Variants in KLF16 observed in about 807,000 individuals in gnomAD.
The protein encoded by KLF16 is Krueppel-like factor 16.
In KLF16, 6 loss-of-function variants were observed where a neutral mutation model predicts 6.1. The ratio of observed to expected loss-of-function variants is 0.98; its 90% CI spans 0.54 to 1.93. The LOEUF (loss-of-function observed/expected upper bound fraction) is 1.93. Among genes scored for constraint, KLF16 ranks in the 30% most tolerant of loss-of-function variants. KLF16 has a pLI of 0.01. For missense variants in KLF16, 355 were observed against 363.8 expected, an observed-to-expected ratio of 0.98 and a Z score of 0.20; for synonymous variants, 211 against 176.5, an observed-to-expected ratio of 1.20 and a Z score of -1.55.
upstream of KLF16, among the ~76,000 whole-genome samples, chr19:1,865,403 C>T (rs2012171667): frequency 6.6e-6 from 1 of 152,260 alleles, no homozygotes; most frequent in Admixed American, 6.5e-5. Flanking sequence ...TCCTGGAACC[C>T]CGCATTGGCT....
upstream of KLF16, among the ~76,000 whole-genome samples, chr19:1,867,853 A>G (rs1373298145): frequency 2.6e-5 from 4 of 152,092 alleles, no homozygotes; most frequent in African/African-American, 9.7e-5. Context: ...AGTGACAGTG[A>G]GACTCCCTCT....
At chr19:1,865,652 T>G (rs1005592949), upstream of KLF16, among the ~76,000 whole-genome samples, 1 of 152,182 alleles carries the variant, frequency 6.6e-6, no homozygotes, top group African/African-American at 2.4e-5. Flanking sequence ...TATCAGGGTT[T>G]CAAGTGAGTG....
chr19:1,859,781 G>A (rs902329504), intron 1 of KLF16, among the ~76,000 whole-genome samples: 5 of 152,182 alleles, frequency 3.3e-5, no homozygotes, highest in African/African-American at 4.8e-5. Flanking sequence ...GCTGGCCTGC[G>A]GCAGGGGACT....
the KLF16 span, chr19:1,874,777 A>C: frequency 6.8e-5 from 8 of 117,600 alleles, no homozygotes; most frequent in East Asian, 2.5e-4. Context: ...AAAAAAAAAA[A>C]CACTTCTACT....
chr19:1,871,289 G>A, the KLF16 span, among the ~76,000 whole-genome samples: 1 of 152,186 alleles, frequency 6.6e-6, no homozygotes, highest in Admixed American at 6.5e-5. Flanking sequence ...GCCAACCTGT[G>A]GAAGCCACCT....
Position 1,853,642 on chromosome 19 carries a change from T to G in KLF16, c.*817A>C, listed in dbSNP as rs2011883122. 1 of 152,548 alleles carries G rather than the reference T, an allele frequency of 6.6e-6. No individual in the cohort carries two copies. The highest frequency in any genetic ancestry group is 6.5e-5 in the Admixed American group (1 of 15,278). 9.4% of individuals were successfully genotyped at this position (152,548 alleles called of 1,614,324 possible). ...CCCGGTGCCAGCCTCCCCTGCAGCC[T>G]CTCTCACCCACCCACCCAGAGAGGG... is the stretch of plus-strand genomic sequence containing the variant. On this transcript the variant is annotated 3_prime_UTR_variant, in exon 2 of 2. Transcript: ENST00000250916.
Position 1,854,148 on chromosome 19 carries a change from A to C in KLF16, c.*311T>G. 3.3e-5 allele frequency: 10 copies of C among 305,534 alleles called. No homozygotes were observed. The highest frequency in any genetic ancestry group is 1.8e-4 in the East Asian group (3 of 16,972). The allele number at this position is 305,534 out of a possible 1,614,324, so 18.9% of individuals were successfully genotyped here. A position where few individuals can be genotyped will look rare whatever the true frequency, so the allele number is the denominator to read the frequency against. ...CCAAACCCCACCCCGGGAGGGGGGC[A>C]GCAGGGGGTGGTGGAGAGGAGAGGG... On this transcript the variant is annotated 3_prime_UTR_variant, in exon 2 of 2. Coordinates refer to ENST00000250916, the MANE Select transcript of KLF16 (RefSeq NM_031918.4).
In KLF16 at chr19:1,853,807, G is replaced by GAC. The variant is rs1264108979; in HGVS notation, c.*651_*652insGT. 1 of 152,608 alleles carries GAC rather than the reference G, an allele frequency of 6.6e-6. No homozygotes were observed. The highest frequency in any genetic ancestry group is 2.4e-5 in the African/African-American group (1 of 41,458). The allele number at this position is 152,608 out of a possible 1,614,324, so 9.5% of individuals were successfully genotyped here. The stretch of plus-strand genomic sequence containing the variant: ...TCCCAGGTCTCAGAAGCAACACCTG[G>GAC]AGCCCCTCCGGGCATCCTAACGCTG... On this transcript the variant is annotated 3_prime_UTR_variant, in exon 2 of 2. Transcript: ENST00000250916.
At chr19:1,864,977 C>T (rs898983930), upstream of KLF16, among the ~76,000 whole-genome samples, 1 of 152,220 alleles carries the variant, frequency 6.6e-6, no homozygotes, top group Non-Finnish European at 1.5e-5. Flanking sequence ...GGACAGAGGC[C>T]CTGACCCGAT....
chr19:1,865,529 G>GT (rs1436390625), upstream of KLF16, among the ~76,000 whole-genome samples: 6 of 152,228 alleles, frequency 3.9e-5, no homozygotes, highest in African/African-American at 1.4e-4. Context: ...GCTTACAGTT[G>GT]TAACTGGGAG....
chr19:1,855,011 G>A (rs1054496113), intron 1 of KLF16, among the ~76,000 whole-genome samples: 1 of 152,164 alleles, frequency 6.6e-6, no homozygotes, highest in African/African-American at 2.4e-5. Flanking sequence ...TCTCCGGCGA[G>A]CCCAGAATCT....
upstream of KLF16, chr19:1,863,679 GAGCCCGCGGGGGCGGCCAC>G (rs1008210120): frequency 1.3e-4 from 19 of 150,650 alleles, no homozygotes; most frequent in South Asian, 3.8e-4. Context: ...TGACGCACCG[GAGCCCGCGGGGGCGGCCAC>G]AGCCCGCCCC....
chr19:1,862,928 C>CGGG (rs1183820685), intron 1 of KLF16, 113 bp downstream of exon 1: 10 of 481,270 alleles, frequency 2.1e-5, no homozygotes, highest in Non-Finnish European at 2.8e-5. Context: ...GCGGCGGCGG[C>CGGG]CCGGGCGCGC....
chr19:1,856,849 G>C (rs1227135588), intron 1 of KLF16, among the ~76,000 whole-genome samples: 1 of 152,050 alleles, frequency 6.6e-6, no homozygotes. Flanking sequence ...TCCCACGGCT[G>C]GGTGCCGGAC....
chr19:1,857,284 G>A lies in KLF16; in HGVS notation c.458-2524C>T, dbSNP rs1458763918. On this transcript the variant is annotated intron_variant, in intron 1 of 1. Coordinates refer to ENST00000250916, the MANE Select transcript of KLF16 (RefSeq NM_031918.4). This position sits in a 1 kb window ranked among gnomAD's most constrained non-coding sequence, Gnocchi z 4.7. Reference sequence around the variant, plus strand: ...CACACAATCCACTCGCAGGGAGGAGGGTGGGGTGAACTTGTGGGGGCCCAG... The same window carrying A: ...CACACAATCCACTCGCAGGGAGGAGAGTGGGGTGAACTTGTGGGGGCCCAG... Among the ~76,000 whole-genome samples the A allele has an allele frequency of 6.6e-6, 1 of 152,238 alleles. No individual in the cohort carries two copies. The highest frequency in any genetic ancestry group is 1.5e-5 in the Non-Finnish European group (1 of 68,030).
chr19:1,863,776 C>T (rs1368402325), upstream of KLF16, among the ~76,000 whole-genome samples: 1 of 142,488 alleles, frequency 7.0e-6, no homozygotes, highest in African/African-American at 2.5e-5. Flanking sequence ...CACCACTCTC[C>T]GAGCCGCGCG....
rs1274961548 is a variant in KLF16 at position 1,857,442 on chromosome 19, G to C, written c.458-2682C>G. On this transcript the variant is annotated intron_variant, in intron 1 of 1. Transcript: ENST00000250916. The surrounding 1 kb of genome is among the most constrained non-coding windows in gnomAD (Gnocchi z 4.7). ...GCGGGAGGGCAGTGTGGGCGGGGCC[G>C]CGGTGGACTTGACCCTCTGACTCAG... Among the ~76,000 whole-genome samples the C allele has an allele frequency of 6.6e-6, 1 of 152,240 alleles. No individual in the cohort carries two copies. The highest frequency in any genetic ancestry group is 1.5e-5 in the Non-Finnish European group (1 of 68,040).
upstream of KLF16, among the ~76,000 whole-genome samples, chr19:1,866,394 T>A (rs1035561513): frequency 2.0e-5 from 3 of 151,878 alleles, no homozygotes; most frequent in Admixed American, 1.3e-4. Context: ...GCGGATGACC[T>A]GAGGTCGAGA....
intron 1 of KLF16, among the ~76,000 whole-genome samples, chr19:1,856,876 T>C (rs1034686116): frequency 2.6e-4 from 38 of 145,834 alleles, no homozygotes; most frequent in Non-Finnish European, 7.5e-5. Flanking sequence ...TTGGTTCACT[T>C]CCCCTTTCAG....
Sources: allele counts gnomAD v4.1 joint callset (sites outside exome capture counted in the v4.1 genomes callset), GRCh38; gene constraint gnomAD v4.1.1; non-coding constraint Gnocchi (gnomAD v3.1); transcripts MANE v1.5; gene names NCBI Gene and HGNC (gene_info 2026-07-23, HGNC 2026-07-21).